RGS12: variants seen among roughly 807,000 people sequenced by gnomAD.
The protein encoded by RGS12 is regulator of G-protein signaling 12.
A neutral mutation model predicts 120.1 loss-of-function variants in RGS12; 66 were observed. The observed-to-expected ratio is 0.55, with a 90% CI of 0.45 to 0.67. RGS12 has a LOEUF of 0.67. Among genes scored for constraint, RGS12 ranks in the 30% least tolerant of loss-of-function variants. The pLI, the probability that RGS12 is intolerant of heterozygous loss-of-function variation, is 0.00. For synonymous variants in RGS12, 827 were observed against 804.7 expected (o/e 1.03, Z -0.47); for missense variants, 1,859 against 1,957.7 (o/e 0.95, Z 0.95).
At position 3,420,653 on chromosome 4, in the gene RGS12, G is replaced by A. The variant is rs1415813040; in HGVS notation, c.2773G>A (p.Ala925Thr). Reference sequence around the variant, plus strand: ...TTTCCCCTGTCAAGACGCCCTGCATGCCAATGGAGGCCTGTGTCGCCGAGA... The same window carrying A: ...TTTCCCCTGTCAAGACGCCCTGCATACCAATGGAGGCCTGTGTCGCCGAGA... ...HGDHADDALH[A>T]NGGLCRRESQ... The change falls in exon 10 of 18, where the codon GCC becomes ACC. Residue 925 changes from alanine (A) to threonine (T), a missense_variant. Coordinates refer to ENST00000336727, the MANE Select transcript of RGS12 (RefSeq NM_001394154.1). 3 of 1,613,504 alleles carry A rather than the reference G, an allele frequency of 1.9e-6. No individual in the cohort carries two copies. The highest frequency in any genetic ancestry group is 1.7e-6 in the Non-Finnish European group (2 of 1,180,038).
At chr4:3,420,864 A>G in intron 10 of RGS12, 146 bp downstream of exon 10, 2 of 749,112 alleles carry the variant, frequency 2.7e-6, no homozygotes, top group Non-Finnish European at 2.2e-6. Context: ...GTGCCGGCCC[A>G]GGCACAGTGG....
At chr4:3,299,320 C>T (rs958217574) in intron 1 of RGS12, among the ~76,000 whole-genome samples, 20 of 152,092 alleles carry the variant, frequency 1.3e-4, no homozygotes, top group African/African-American at 4.8e-5. Flanking sequence ...GTTCAGCCAC[C>T]CAGCCCTCCC....
chr4:3,394,543 C>T (rs946522872), intron 4 of RGS12, among the ~76,000 whole-genome samples: 1 of 152,190 alleles, frequency 6.6e-6, no homozygotes, highest in Non-Finnish European at 1.5e-5. Flanking sequence ...TTAGGAATTG[C>T]ATTTTATATT....
chr4:3,413,043 G>A (rs1214655184), intron 4 of RGS12: 146 of 75,594 alleles, frequency 1.9e-3, no homozygotes, highest in East Asian at 0.012. Flanking sequence ...CACTGCTCGC[G>A]TCAGGAGGGA....
intron 4 of RGS12, among the ~76,000 whole-genome samples, chr4:3,411,434 G>T (rs1264444849): frequency 3.3e-5 from 5 of 152,234 alleles, no homozygotes; most frequent in African/African-American, 9.7e-5. Context: ...ATTGTGGTCT[G>T]TGTGTGTTCT....
intron 3 of RGS12, among the ~76,000 whole-genome samples, chr4:3,348,203 A>G (rs1010477874): frequency 2.6e-5 from 4 of 152,254 alleles, no homozygotes; most frequent in Admixed American, 6.5e-5. Flanking sequence ...AGCACAGGTC[A>G]CTATTAGATA....
chr4:3,425,611 A>G (rs1577093148), intron 14 of RGS12, 51 bp downstream of exon 14: 1 of 921,812 alleles, frequency 1.1e-6, no homozygotes, highest in Non-Finnish European at 1.5e-6. Context: ...GGTCCAGTGC[A>G]GGGGAGGGGG....
At position 3,317,731 on chromosome 4, in the gene RGS12, C is replaced by T. The variant is rs561441862; in HGVS notation, c.1561C>T (p.Pro521Ser). The T allele has an allele frequency of 1.2e-6, 2 of 1,613,576 alleles. No homozygotes were observed. The highest frequency in any genetic ancestry group is 1.7e-5 in the Admixed American group (1 of 60,036). The change falls in exon 2 of 18, where the codon CCT becomes TCT. Residue 521 changes from proline (P) to serine (S), a missense_variant. Physicochemically the swap from Pro to Ser is moderately conservative, Grantham distance 74. Around this residue, in one of 3 missense-constraint regions of RGS12, gnomAD observed 967 missense variants for 994.2 expected, o/e 0.97. Transcript: ENST00000336727. ...AGCTTCCTTGAGGAGCTCAGTCCCC[C>T]CTTCCAAGAGGGGCACCGTGGGTGC... is the stretch of plus-strand genomic sequence containing the variant. ...PPASLRSSVPPSKRGTVGAGC... is the reference protein window; with the variant it reads ...PPASLRSSVPSSKRGTVGAGC...
Position 3,316,888 on chromosome 4 carries a change from C to T in RGS12, c.718C>T (p.Leu240Phe), listed in dbSNP as rs1229214465. 3 of 1,613,984 alleles carry T rather than the reference C, an allele frequency of 1.9e-6. No homozygotes were observed. Among genetic ancestry groups the T allele is most frequent in the Non-Finnish European group, 2.5e-6 (3 of 1,180,060 alleles). ...MIVGYLGSIE[L>F]PSTSSNLESD... ...CGTGGGCTACTTAGGCTCCATTGAG[C>T]TTCCTTCCACGAGCTCCAACCTGGA... is the stretch of plus-strand genomic sequence containing the variant. Residue 240 changes from leucine (L) to phenylalanine (F), a missense_variant, in exon 2 of 18, where the codon CTT becomes TTT. This residue lies in a region of RGS12 where 967 missense variants were observed against 994.2 expected (regional missense o/e 0.97). Coordinates refer to ENST00000336727, the MANE Select transcript of RGS12 (RefSeq NM_001394154.1).
upstream of RGS12, among the ~76,000 whole-genome samples, chr4:3,289,563 TTTAA>T (rs969091255): frequency 6.0e-4 from 91 of 152,348 alleles, no homozygotes; most frequent in African/African-American, 2.1e-3. Flanking sequence ...TTTATATATT[TTTAA>T]TTAACAAATG....
chr4:3,374,370 C>T lies in RGS12; in HGVS notation c.1999-12046C>T, dbSNP rs972656774. 3.9e-5 allele frequency among the ~76,000 whole-genome samples: 6 copies of T among 152,144 alleles called. No homozygotes were observed. The highest frequency in any genetic ancestry group is 1.9e-4 in the East Asian group (1 of 5,178). The stretch of plus-strand genomic sequence containing the variant: ...GGGGAGGCCTAGGCTGGGCGGGGAC[C>T]GGTCTCCTTCCGCCACCACCTTCCA... On this transcript the variant is annotated intron_variant, in intron 3 of 17. Transcript: ENST00000336727. The surrounding 1 kb of genome is among the most constrained non-coding windows in gnomAD (Gnocchi z 6.3).
chr4:3,423,959 A>C (rs755435227), intron 13 of RGS12: 3 of 249,914 alleles, frequency 1.2e-5, no homozygotes, highest in African/African-American at 6.6e-5. Context: ...CAATGTGATC[A>C]GATAAGAGAG....
At chr4:3,367,577 A>T (rs890048195) in intron 3 of RGS12, among the ~76,000 whole-genome samples, 2 of 152,208 alleles carry the variant, frequency 1.3e-5, no homozygotes, top group Non-Finnish European at 2.9e-5. Context: ...TCTTCTGGGG[A>T]TGTGGCTGTC....
chr4:3,393,256 C>T (rs1719685827), intron 4 of RGS12, among the ~76,000 whole-genome samples: 1 of 152,240 alleles, frequency 6.6e-6, no homozygotes, highest in Non-Finnish European at 1.5e-5. Flanking sequence ...CTGGCTGGAA[C>T]TCGGGAACCC....
Position 3,414,060 on chromosome 4 carries a change from C to T in RGS12, c.2021-12C>T, listed in dbSNP as rs748628070. On this transcript the variant is annotated splice_polypyrimidine_tract_variant and intron_variant, in intron 4 of 17. Transcript: ENST00000336727. ...GGCAGGGGTGCAGGTGCTGTCTGTG[C>T]TGGTCCCGCAGAGTTGACGGGCGCC... 6.5e-7 allele frequency: 1 copy of T among 1,541,688 alleles called. No homozygotes were observed. Among genetic ancestry groups the T allele is most frequent in the Non-Finnish European group, 8.7e-7 (1 of 1,146,172 alleles).
At chr4:3,373,681 C>T (rs1717305273) in intron 3 of RGS12, among the ~76,000 whole-genome samples, 1 of 152,204 alleles carries the variant, frequency 6.6e-6, no homozygotes, top group South Asian at 2.1e-4. Flanking sequence ...CTGGCCTCTG[C>T]CCGCCTGTGT....
chr4:3,431,432 A>C, intron 17 of RGS12: 1 of 997,238 alleles, frequency 1.0e-6, no homozygotes, highest in African/African-American at 1.7e-5. Flanking sequence ...CGTCCTCGGA[A>C]GAGCCTTGAG....
chr4:3,310,966 C>G (rs1724360714), intron 1 of RGS12, among the ~76,000 whole-genome samples: 1 of 152,220 alleles, frequency 6.6e-6, no homozygotes, highest in African/African-American at 2.4e-5. Flanking sequence ...TCTCTGTGCC[C>G]CCACTCCCTC....
At chr4:3,289,171 A>C (rs966236762), upstream of RGS12, among the ~76,000 whole-genome samples, 1 of 152,116 alleles carries the variant, frequency 6.6e-6, no homozygotes, top group Non-Finnish European at 1.5e-5. Context: ...TTGGGGTAAA[A>C]CACACATGAC....
Sources: gnomAD v4.1 joint callset for allele counts (sites outside exome capture counted in the v4.1 genomes callset) on GRCh38, gnomAD v4.1.1 for gene constraint, gnomAD v4.1.1 regional missense constraint, Gnocchi (gnomAD v3.1) non-coding constraint, MANE v1.5 for transcripts, NCBI Gene and HGNC (gene_info 2026-07-23, HGNC 2026-07-21) for gene names.